Variants in VTI1A observed in about 807,000 individuals in gnomAD.
The protein encoded by VTI1A is vesicle transport through interaction with t-SNAREs 1A, also known as vesicle transport through interaction with t-SNAREs homolog 1A.
In VTI1A, 22 loss-of-function variants were observed where a neutral mutation model predicts 34.9. The observed-to-expected ratio is 0.63, with a 90% CI of 0.45 to 0.90. The LOEUF (loss-of-function observed/expected upper bound fraction) is 0.90. Among genes scored for constraint, VTI1A ranks in the 40% least tolerant of loss-of-function variants. The pLI, the probability that VTI1A is intolerant of heterozygous loss-of-function variation, is 0.00. For synonymous variants in VTI1A, 87 were observed against 97.3 expected (o/e 0.89, Z 0.62); for missense variants, 268 against 275.6 (o/e 0.97, Z 0.20).
At chr10:112,792,551 C>T (rs1028098356) in intron 7 of VTI1A, among the ~76,000 whole-genome samples, 4 of 152,096 alleles carry the variant, frequency 2.6e-5, no homozygotes, top group African/African-American at 9.7e-5. Flanking sequence ...ACCTAGGGCA[C>T]GTTTTATGAG....
At chr10:112,619,090 A>G (rs1318370321) in intron 5 of VTI1A, among the ~76,000 whole-genome samples, 5 of 149,840 alleles carry the variant, frequency 3.3e-5, no homozygotes, top group African/African-American at 1.2e-4. Context: ...AGGAACTAAT[A>G]TATGTTGTGC....
intron 5 of VTI1A, among the ~76,000 whole-genome samples, chr10:112,624,431 A>T (rs1258594176): frequency 6.6e-6 from 1 of 152,136 alleles, no homozygotes; most frequent in Non-Finnish European, 1.5e-5. Flanking sequence ...AGGGCTTTTT[A>T]ATATACATTT....
intron 3 of VTI1A, among the ~76,000 whole-genome samples, chr10:112,508,781 A>G (rs951057141): frequency 1.3e-5 from 2 of 152,190 alleles, no homozygotes; most frequent in African/African-American, 4.8e-5. Context: ...TGAATTCTTC[A>G]GAGTTCGGGA....
At chr10:112,667,626 G>A (rs184372671) in intron 5 of VTI1A, among the ~76,000 whole-genome samples, 133 of 152,250 alleles carry the variant, frequency 8.7e-4, no homozygotes, top group African/African-American at 3.1e-3. Context: ...GAGAAGAAAT[G>A]CACCTCACCT....
At chr10:112,652,078 G>GAA (rs528328374) in intron 5 of VTI1A, among the ~76,000 whole-genome samples, 1 of 151,532 alleles carries the variant, frequency 6.6e-6, no homozygotes, top group Non-Finnish European at 1.5e-5. Flanking sequence ...GGTGAAAAAA[G>GAA]AAAAAAACAG....
At chr10:112,748,791 A>G (rs991736772) in intron 7 of VTI1A, among the ~76,000 whole-genome samples, 1 of 147,190 alleles carries the variant, frequency 6.8e-6, no homozygotes, top group Non-Finnish European at 1.5e-5. Context: ...ATGCCCGGCT[A>G]ATTTTTTTTT....
chr10:112,505,528 G>C (rs1564804680), intron 3 of VTI1A, among the ~76,000 whole-genome samples: 1 of 152,060 alleles, frequency 6.6e-6, no homozygotes, highest in Admixed American at 6.5e-5. Flanking sequence ...TTAAATAATA[G>C]TAGTGTTAGT....
At chr10:112,580,906 T>G (rs1337812455) in intron 5 of VTI1A, among the ~76,000 whole-genome samples, 1 of 152,210 alleles carries the variant, frequency 6.6e-6, no homozygotes, top group African/African-American at 2.4e-5. Context: ...ATTACGAATG[T>G]ACATGTCTTC....
chr10:112,737,594 A>G (rs1281968056), intron 7 of VTI1A: 1 of 1,048,262 alleles, frequency 9.5e-7, no homozygotes, highest in Admixed American at 5.5e-5. Context: ...GTAAGGTCTT[A>G]GTCCAGCTCT....
chr10:112,585,779 A>C (rs1398634635), intron 5 of VTI1A, among the ~76,000 whole-genome samples: 1 of 151,696 alleles, frequency 6.6e-6, no homozygotes, highest in Non-Finnish European at 1.5e-5. Flanking sequence ...ACAGTATTCC[A>C]AAACTGTAAT....
At chr10:112,707,545 G>C (rs1849243376) in intron 7 of VTI1A, among the ~76,000 whole-genome samples, 1 of 152,052 alleles carries the variant, frequency 6.6e-6, no homozygotes, top group East Asian at 1.9e-4. Flanking sequence ...TGTTTGTCAG[G>C]CTGGTCTCGA....
At chr10:112,488,403 G>A (rs1035202583) in intron 3 of VTI1A, among the ~76,000 whole-genome samples, 2 of 152,076 alleles carry the variant, frequency 1.3e-5, no homozygotes, top group East Asian at 1.9e-4. Context: ...GTACCAAGTC[G>A]AACTATCATT....
chr10:112,814,026 T>C (rs997172792), intron 7 of VTI1A, among the ~76,000 whole-genome samples: 7 of 152,024 alleles, frequency 4.6e-5, no homozygotes, highest in African/African-American at 1.7e-4. Context: ...ACCGTTTAGG[T>C]TTGGAGAAGA....
intron 5 of VTI1A, among the ~76,000 whole-genome samples, chr10:112,630,186 A>G (rs1450965325): frequency 4.6e-5 from 7 of 152,204 alleles, no homozygotes; most frequent in African/African-American, 1.7e-4. Flanking sequence ...ACACATGCAT[A>G]TGCATAATAT....
chr10:112,533,421 T>C (rs1260928559), intron 4 of VTI1A: 8 of 719,148 alleles, frequency 1.1e-5, no homozygotes, highest in African/African-American at 1.9e-5. Flanking sequence ...ATGCTAAACA[T>C]GTAAACAGAT....
At chr10:112,766,402 A>C (rs749123083) in intron 7 of VTI1A, among the ~76,000 whole-genome samples, 1 of 152,350 alleles carries the variant, frequency 6.6e-6, no homozygotes, top group East Asian at 1.9e-4. Flanking sequence ...AGAGCTGTGT[A>C]TAAACTTAAG....
the VTI1A span, among the ~76,000 whole-genome samples, chr10:112,849,337 T>C: frequency 2.0e-5 from 3 of 152,236 alleles, no homozygotes; most frequent in Non-Finnish European, 4.4e-5. Flanking sequence ...CATCCCGCAG[T>C]GGGGCTCTCT....
chr10:112,581,837 A>G (rs997005729), intron 5 of VTI1A, among the ~76,000 whole-genome samples: 1 of 152,236 alleles, frequency 6.6e-6, no homozygotes, highest in Non-Finnish European at 1.5e-5. Context: ...GGTTGATAGT[A>G]TCACAACCTA....
intron 7 of VTI1A, among the ~76,000 whole-genome samples, chr10:112,770,568 T>C (rs1851779258): frequency 6.6e-6 from 1 of 151,332 alleles, no homozygotes; most frequent in Non-Finnish European, 1.5e-5. Context: ...GCTAATTTTT[T>C]TTTTTTTTTA....
Sources: gnomAD v4.1 joint callset for allele counts (sites outside exome capture counted in the v4.1 genomes callset) on GRCh38, gnomAD v4.1.1 for gene constraint, MANE v1.5 for transcripts, NCBI Gene and HGNC (gene_info 2026-07-23, HGNC 2026-07-21) for gene names.